The following BTC variants were observed in gnomAD, a reference collection of about 807,000 sequenced individuals.
BTC encodes betacellulin.
Under a neutral mutation model 18.1 loss-of-function variants are expected in BTC, and 13 were observed. The observed-to-expected ratio is 0.72, with a 90% CI of 0.47 to 1.14. The LOEUF is 1.14. Among genes scored for constraint, BTC ranks in the 50% most tolerant of loss-of-function variants. BTC has a pLI of 0.00. For missense variants in BTC, 247 were observed against 224.2 expected, an observed-to-expected ratio of 1.10 and a Z score of -0.65; for synonymous variants, 83 against 79.4, an observed-to-expected ratio of 1.05 and a Z score of -0.24.
intron 3 of BTC, among the ~76,000 whole-genome samples, chr4:74,754,165 A>G (rs1242266808): frequency 6.6e-6 from 1 of 152,180 alleles, no homozygotes; most frequent in African/African-American, 2.4e-5. Context: ...TTGACTGTGT[A>G]TTATTCCTCT....
chr4:74,752,006 G>T lies in BTC; in HGVS notation c.282-1287C>A, dbSNP rs149099888. On this transcript the variant is annotated intron_variant, in intron 3 of 5. Coordinates refer to ENST00000395743, the MANE Select transcript of BTC (RefSeq NM_001729.4). ...ATTTTCCTTTAAGAAAGGATTTACG[G>T]CTGGGCTGTTCTATAGCTTATGCTT... is the stretch of plus-strand genomic sequence containing the variant. Among the ~76,000 whole-genome samples, 1,077 of 152,254 alleles carry T rather than the reference G, an allele frequency of 7.1e-3. 5 individuals carry two copies. Among genetic ancestry groups the T allele is most frequent in the Non-Finnish European group, 0.011 (774 of 68,036 alleles).
At position 74,794,506 on chromosome 4, in the gene BTC, C is replaced by G; in HGVS notation, c.-181G>C. The G allele has an allele frequency of 1.5e-6, 1 of 658,394 alleles. No individual in the cohort carries two copies. The highest frequency in any genetic ancestry group is 2.5e-6 in the Non-Finnish European group (1 of 401,096). The allele number at this position is 658,394 out of a possible 1,614,324, so 40.8% of individuals were successfully genotyped here. A position where few individuals can be genotyped will look rare whatever the true frequency, so the allele number is the denominator to read the frequency against. ...GCAGGGAAACACCCAGGGCGGGAGGCCGGCCGGCTCCGTGAATGTCGCCGG... is the reference window on the plus strand; with the variant it reads ...GCAGGGAAACACCCAGGGCGGGAGGGCGGCCGGCTCCGTGAATGTCGCCGG... On this transcript the variant is annotated 5_prime_UTR_variant, in exon 1 of 6. Transcript: ENST00000395743.
In BTC at chr4:74,746,600, A is replaced by G. The variant is rs964574284; in HGVS notation, c.*77T>C. On this transcript the variant is annotated 3_prime_UTR_variant, in exon 6 of 6. Transcript: ENST00000395743. ...TTCATGTCTACTAGCTGTTTTCCTG[A>G]GACACATTCTGTCCATTTTCAAATG... is the stretch of plus-strand genomic sequence containing the variant. 6.6e-6 allele frequency: 1 copy of G among 152,650 alleles called. No individual in the cohort carries two copies. Among genetic ancestry groups the G allele is most frequent in the South Asian group, 2.1e-4 (1 of 4,838 alleles). 9.5% of individuals were successfully genotyped at this position (152,650 alleles called of 1,614,324 possible).
chr4:74,773,783 T>C (rs980034393), intron 1 of BTC, among the ~76,000 whole-genome samples: 6 of 152,112 alleles, frequency 3.9e-5, no homozygotes, highest in African/African-American at 1.4e-4. Context: ...GGCTAATTTT[T>C]GTATTTTTAG....
intron 1 of BTC, among the ~76,000 whole-genome samples, chr4:74,790,554 G>C (rs181212921): frequency 6.6e-6 from 1 of 152,124 alleles, no homozygotes; most frequent in Non-Finnish European, 1.5e-5. Flanking sequence ...TTGCCATGTG[G>C]GTTCTATCAG....
chr4:74,761,357 G>A (rs1724752648), intron 2 of BTC, among the ~76,000 whole-genome samples: 1 of 152,118 alleles, frequency 6.6e-6, no homozygotes, highest in African/African-American at 2.4e-5. Flanking sequence ...TGCAAATACA[G>A]CAGGGCTGGA....
intron 4 of BTC, among the ~76,000 whole-genome samples, chr4:74,748,920 G>C (rs1724370850): frequency 6.6e-6 from 1 of 152,162 alleles, no homozygotes; most frequent in Non-Finnish European, 1.5e-5. Flanking sequence ...CCGTTTCCCA[G>C]CTTTGCCCAA....
rs115237386 is a variant in BTC at position 74,771,643 on chromosome 4, T to C, written c.65-1487A>G. ...CTTTTTTACCTATCTAATTGGAACA[T>C]GTTTTCAAAGAAAGAAATGTACCTA... On this transcript the variant is annotated intron_variant, in intron 1 of 5. Transcript: ENST00000395743. Among the ~76,000 whole-genome samples, 469 of 152,302 alleles carry C rather than the reference T, an allele frequency of 3.1e-3. 2 individuals are homozygous for C. The highest frequency in any genetic ancestry group is 5.4e-3 in the Non-Finnish European group (367 of 68,024).
chr4:74,767,365 ATAAAC>A (rs1388811558), intron 2 of BTC, among the ~76,000 whole-genome samples: 2 of 152,048 alleles, frequency 1.3e-5, no homozygotes, highest in Non-Finnish European at 2.9e-5. Flanking sequence ...ACACGTAGGA[ATAAAC>A]TAAAGAAATG....
rs1257572814 is a variant in BTC, at chr4:74,771,848, G to A, written c.65-1692C>T. On this transcript the variant is annotated intron_variant, in intron 1 of 5. Coordinates refer to ENST00000395743, the MANE Select transcript of BTC (RefSeq NM_001729.4). ...TGGTTTTTCCTAAGGAAATAATTCA[G>A]GATAAATAAAGAGATTTAGCTGCAA... Among the ~76,000 whole-genome samples the A allele has an allele frequency of 2.0e-5, 3 of 151,984 alleles. No individual in the cohort carries two copies. The East Asian group carries it at 5.8e-4, about 29-fold the overall frequency.
chr4:74,768,024 C>T (rs570720466), intron 2 of BTC, among the ~76,000 whole-genome samples: 1 of 151,984 alleles, frequency 6.6e-6, no homozygotes, highest in Non-Finnish European at 1.5e-5. Flanking sequence ...GCAAAATAAA[C>T]AAGTGGGACT....
intron 2 of BTC, among the ~76,000 whole-genome samples, chr4:74,761,805 A>G (rs782522557): frequency 1.3e-5 from 2 of 152,152 alleles, no homozygotes; most frequent in African/African-American, 2.4e-5. Flanking sequence ...ACCTTTAACT[A>G]GTCTCTTTCC....
intron 1 of BTC, among the ~76,000 whole-genome samples, chr4:74,787,119 A>G (rs1241581741): frequency 1.3e-5 from 2 of 152,190 alleles, no homozygotes; most frequent in Non-Finnish European, 2.9e-5. Context: ...AAAACTAAAT[A>G]AAGTTAAACA....
intron 1 of BTC, among the ~76,000 whole-genome samples, chr4:74,777,337 G>A (rs189499601): frequency 3.1e-3 from 476 of 152,208 alleles, no homozygotes; most frequent in African/African-American, 0.011. Context: ...CTTGCACAGG[G>A]TAAGCGCTCA....
intron 4 of BTC, among the ~76,000 whole-genome samples, chr4:74,749,229 C>A (rs1199072746): frequency 6.6e-6 from 1 of 151,966 alleles, no homozygotes; most frequent in Non-Finnish European, 1.5e-5. Flanking sequence ...TCAGGAGTTA[C>A]CAGCCTGGTG....
intron 4 of BTC, among the ~76,000 whole-genome samples, chr4:74,748,570 C>G (rs1002049165): frequency 5.9e-5 from 9 of 152,196 alleles, no homozygotes; most frequent in African/African-American, 2.2e-4. Flanking sequence ...CTTAACCCAT[C>G]TCTTTCTCTA....
At chr4:74,751,785 C>T (rs1237575934) in intron 3 of BTC, among the ~76,000 whole-genome samples, 2 of 152,000 alleles carry the variant, frequency 1.3e-5, no homozygotes, top group East Asian at 3.9e-4. Flanking sequence ...TCTGTTGTAA[C>T]CTTAGTACCT....
intron 1 of BTC, among the ~76,000 whole-genome samples, chr4:74,787,906 AG>A (rs1725523901): frequency 1.3e-5 from 2 of 152,296 alleles, no homozygotes; most frequent in South Asian, 4.2e-4. Flanking sequence ...ACAGGGAAAA[AG>A]AATCATGAAG....
intron 2 of BTC, among the ~76,000 whole-genome samples, chr4:74,765,349 A>G (rs1167500766): frequency 6.6e-6 from 1 of 152,154 alleles, no homozygotes; most frequent in Non-Finnish European, 1.5e-5. Flanking sequence ...TGGAAAATTC[A>G]ACAGATGGCT....
Sources: gnomAD v4.1 joint callset for allele counts (sites outside exome capture counted in the v4.1 genomes callset) on GRCh38, gnomAD v4.1.1 for gene constraint, MANE v1.5 for transcripts, NCBI Gene and HGNC (gene_info 2026-07-23, HGNC 2026-07-21) for gene names.